The following LSM7 variants were observed in gnomAD, a reference collection of about 807,000 sequenced individuals.
LSM7 encodes U6 snRNA-associated Sm-like protein LSm7.
LSM7 carries 13 observed loss-of-function variants against 14.1 expected under a neutral mutation model. That is an observed-to-expected ratio of 0.92 (90% CI 0.60 to 1.47). The LOEUF (loss-of-function observed/expected upper bound fraction) is 1.47. LSM7 is among the 40% of genes most tolerant of loss of function. LSM7 has a pLI of 0.00. For missense variants in LSM7, 108 were observed against 140.8 expected, an observed-to-expected ratio of 0.77 and a Z score of 1.18; for synonymous variants, 70 against 57.1, an observed-to-expected ratio of 1.23 and a Z score of -1.02.
Position 2,328,533 on chromosome 19 carries a change from C to T in LSM7, c.6+28G>A, listed in dbSNP as rs370024160. 6.6e-5 allele frequency: 106 copies of T among 1,606,366 alleles called. No individual in the cohort carries two copies. In the African/African-American group the frequency reaches 1.1e-3, roughly 16 times the overall value. On this transcript the variant is annotated intron_variant, in intron 1 of 3. Transcript: ENST00000252622. Reference sequence around the variant, plus strand: ...GAGCGCGGCCCGAGCTCCACGCCCCCCGGCTCCAGATTCCGCCGCGCGCTC... The same window carrying T: ...GAGCGCGGCCCGAGCTCCACGCCCCTCGGCTCCAGATTCCGCCGCGCGCTC...
chr19:2,326,312 T>TGTGTGTGTG (rs1968015474), intron 2 of LSM7, among the ~76,000 whole-genome samples: 51 of 129,778 alleles, frequency 3.9e-4, no homozygotes, highest in South Asian at 1.3e-3. Context: ...TTTCTGCTTT[T>TGTGTGTGTG]TGTGTGTGTG....
chr19:2,321,627 C>A lies in LSM7; in HGVS notation c.*53G>T, dbSNP rs376150608. On this transcript the variant is annotated 3_prime_UTR_variant, in exon 4 of 4. Transcript: ENST00000252622. This position sits in a 1 kb window ranked among gnomAD's most constrained non-coding sequence, Gnocchi z 5.0. ...GCGGTGGGAGCAGCAGCCAAGTCCG[C>A]GGGAAACCGAGCTGCTCGGGCCTGC... 6.1e-5 allele frequency: 82 copies of A among 1,354,306 alleles called. No homozygotes were observed. In the Middle Eastern group the frequency reaches 7.3e-4, roughly 12 times the overall value. 83.9% of individuals were successfully genotyped at this position (1,354,306 alleles called of 1,614,324 possible). A position where few individuals can be genotyped will look rare whatever the true frequency, so the allele number is the denominator to read the frequency against.
intron 1 of LSM7, 40 bp from the exon 2 acceptor site, chr19:2,328,517 C>G (rs571863959): frequency 6.2e-7 from 1 of 1,609,932 alleles, no homozygotes; most frequent in East Asian, 2.2e-5. Context: ...GGAGCGCGGC[C>G]CGAGCTCCAC....
rs574707010 is a variant in LSM7, at chr19:2,323,603, A to G, written c.169+522T>C. Among the ~76,000 whole-genome samples, 5 of 152,218 alleles carry G rather than the reference A, an allele frequency of 3.3e-5. No individual in the cohort carries two copies. The East Asian group carries it at 5.8e-4, about 18-fold the overall frequency. ...GCAGCTGGGATTACAGGCATGCGCCACCACACCCAGCAATTTTTTTGCATT... is the reference window on the plus strand; with the variant it reads ...GCAGCTGGGATTACAGGCATGCGCCGCCACACCCAGCAATTTTTTTGCATT... On this transcript the variant is annotated intron_variant, in intron 3 of 3. Coordinates refer to ENST00000252622, the MANE Select transcript of LSM7 (RefSeq NM_016199.3).
At chr19:2,324,475 G>A (rs1041570001) in intron 2 of LSM7, 9 of 502,558 alleles carry the variant, frequency 1.8e-5, no homozygotes, top group Admixed American at 1.3e-4. Context: ...CCTGGGTGGA[G>A]GCAGCTTCGG....
At chr19:2,325,482 G>A (rs1334713468) in intron 2 of LSM7, among the ~76,000 whole-genome samples, 3 of 152,088 alleles carry the variant, frequency 2.0e-5, no homozygotes. Context: ...GCTGCCCTCT[G>A]CACGCCCACG....
At position 2,328,552 on chromosome 19, in the gene LSM7, C is replaced by G. The variant is rs144843773; in HGVS notation, c.6+9G>C. ...CGCCCCCCGGCTCCAGATTCCGCCG[C>G]GCGCTCACCGCCATCTTGTCGCGCC... On this transcript the variant is annotated intron_variant, in intron 1 of 3. Transcript: ENST00000252622. 5.5e-4 allele frequency: 877 copies of G among 1,594,644 alleles called. 6 individuals carry two copies. The African/African-American group carries it at 0.011, about 19-fold the overall frequency.
Position 2,324,152 on chromosome 19 carries a change from G to C in LSM7, c.142C>G (p.Leu48Val), listed in dbSNP as rs1367995903. 3.2e-6 allele frequency: 5 copies of C among 1,577,122 alleles called. No homozygotes were observed. The highest frequency in any genetic ancestry group is 4.3e-6 in the Non-Finnish European group (5 of 1,161,988). ...CGCATGTACTCAATGGTGCCGTCCA[G>C]CACAAGGTTGAGGAGTGGGTCGAAG... ...KGFDPLLNLV[L>V]DGTIEYMRDP... Residue 48 changes from leucine (L) to valine (V), a missense_variant, in exon 3 of 4, where the codon CTG becomes GTG. Physicochemically the swap from Leu to Val is conservative, Grantham distance 32. Coordinates refer to ENST00000252622, the MANE Select transcript of LSM7 (RefSeq NM_016199.3).
Position 2,321,644 on chromosome 19 carries a change from C to T in LSM7, c.*36G>A, listed in dbSNP as rs997720454. 35 of 1,398,546 alleles carry T rather than the reference C, an allele frequency of 2.5e-5. No individual in the cohort carries two copies. The highest frequency in any genetic ancestry group is 6.2e-5 in the South Asian group (4 of 64,090). 86.6% of individuals were successfully genotyped at this position (1,398,546 alleles called of 1,614,324 possible). ...CAAGTCCGCGGGAAACCGAGCTGCT[C>T]GGGCCTGCCCTGCACCCCCCGCGCC... On this transcript the variant is annotated 3_prime_UTR_variant, in exon 4 of 4. Coordinates refer to ENST00000252622, the MANE Select transcript of LSM7 (RefSeq NM_016199.3). This position sits in a 1 kb window ranked among gnomAD's most constrained non-coding sequence, Gnocchi z 5.0.
chr19:2,326,319 T>TGTGTGTGC (rs1316037988), intron 2 of LSM7, among the ~76,000 whole-genome samples: 7 of 93,856 alleles, frequency 7.5e-5, no homozygotes, highest in Admixed American at 7.3e-4. Context: ...TTTTTGTGTG[T>TGTGTGTGC]GTGTGTGTGT....
intron 3 of LSM7, among the ~76,000 whole-genome samples, chr19:2,322,243 A>G (rs1254129253): frequency 6.6e-6 from 1 of 152,154 alleles, no homozygotes; most frequent in African/African-American, 2.4e-5. Context: ...TTCACCCTAT[A>G]ACAAAGAGGC....
In LSM7 at chr19:2,328,418, C is replaced by T. The variant is rs1176139424; in HGVS notation, c.66G>A (p.Thr22=). 6.2e-7 allele frequency: 1 copy of T among 1,613,940 alleles called. No homozygotes were observed. The highest frequency in any genetic ancestry group is 8.5e-7 in the Non-Finnish European group (1 of 1,179,880). ...ILDLSKYIDK[T]IRVKFQGGRE... ...GGCCTCCCTGGAACTTTACCCGGAT[C>T]GTCTTGTCGATGTACTTGGACAAGT... is the stretch of plus-strand genomic sequence containing the variant. The change falls in exon 2 of 4, where the codon ACG becomes ACA. Residue 22 remains threonine, a synonymous_variant. Coordinates refer to ENST00000252622, the MANE Select transcript of LSM7 (RefSeq NM_016199.3).
chr19:2,324,046 T>G, intron 3 of LSM7, 79 bp downstream of exon 3: 10 of 338,620 alleles, frequency 3.0e-5, no homozygotes, highest in Non-Finnish European at 3.0e-5. Flanking sequence ...CTCGTCCCAC[T>G]GCCCCCCTCG....
intron 3 of LSM7, among the ~76,000 whole-genome samples, chr19:2,323,588 T>C (rs548627982): frequency 6.6e-5 from 10 of 152,252 alleles, no homozygotes; most frequent in Admixed American, 2.6e-4. Context: ...GCAGCTGGGA[T>C]TACAGGCATG....
chr19:2,325,117 C>T (rs1372459510), intron 2 of LSM7, among the ~76,000 whole-genome samples: 1 of 152,206 alleles, frequency 6.6e-6, no homozygotes, highest in Non-Finnish European at 1.5e-5. Context: ...TGGCTTCTCT[C>T]TCCACGCTGC....
chr19:2,325,965 C>T (rs1049244466), intron 2 of LSM7: 1 of 152,370 alleles, frequency 6.6e-6, no homozygotes, highest in Non-Finnish European at 1.5e-5. Flanking sequence ...CCCTCCCCTG[C>T]AAAATGAAAC....
chr19:2,323,957 C>T (rs1042993751), intron 3 of LSM7, among the ~76,000 whole-genome samples, 168 bp downstream of exon 3: 4 of 152,164 alleles, frequency 2.6e-5, no homozygotes, highest in East Asian at 1.9e-4. Flanking sequence ...TCGGCCGCCA[C>T]GAGGCTTCAC....
chr19:2,328,242 C>T, intron 2 of LSM7, 145 bp downstream of exon 2: 3 of 715,582 alleles, frequency 4.2e-6, no homozygotes, highest in East Asian at 2.8e-5. Context: ...TGCACTCCAG[C>T]CCGGGTGACA....
rs796645925 is a variant in LSM7 at position 2,321,954 on chromosome 19, C to T, written c.170-132G>A. On this transcript the variant is annotated intron_variant, in intron 3 of 3. Transcript: ENST00000252622. This position sits in a 1 kb window ranked among gnomAD's most constrained non-coding sequence, Gnocchi z 5.0. Reference sequence around the variant, plus strand: ...GCCACGAGCACGCAGGGACCTCAGACGGGATGCGCTCTGTGGGGCAGGTCC... The same window carrying T: ...GCCACGAGCACGCAGGGACCTCAGATGGGATGCGCTCTGTGGGGCAGGTCC... 7.2e-5 allele frequency: 59 copies of T among 820,678 alleles called. 1 individual carries two copies. The highest frequency in any genetic ancestry group is 2.1e-4 in the South Asian group (7 of 33,210). The allele number at this position is 820,678 out of a possible 1,614,324, so 50.8% of individuals were successfully genotyped here. A position where few individuals can be genotyped will look rare whatever the true frequency, so the allele number is the denominator to read the frequency against.
Sources: allele counts gnomAD v4.1 joint callset (sites outside exome capture counted in the v4.1 genomes callset), GRCh38; gene constraint gnomAD v4.1.1; non-coding constraint Gnocchi (gnomAD v3.1); transcripts MANE v1.5; gene names NCBI Gene and HGNC (gene_info 2026-07-23, HGNC 2026-07-21).